The following USP8 variants were observed in gnomAD, a reference collection of about 807,000 sequenced individuals.
USP8 encodes ubiquitin carboxyl-terminal hydrolase 8.
USP8 carries 27 observed loss-of-function variants against 130.0 expected under a neutral mutation model. The ratio of observed to expected loss-of-function variants is 0.21; its 90% CI spans 0.15 to 0.29. The LOEUF is 0.29. Ranked by LOEUF, USP8 falls within the 10% of genes least tolerant of loss-of-function variation. USP8 has a pLI of 1.00. For synonymous variants in USP8, 392 were observed against 444.1 expected (o/e 0.88, Z 1.48); for missense variants, 1,029 against 1,312.2 (o/e 0.78, Z 3.33).
In USP8 at chr15:50,489,770, T is replaced by A. The variant is rs555619385; in HGVS notation, c.1891-31T>A. The A allele has an allele frequency of 1.2e-4, 158 of 1,370,582 alleles. No homozygotes were observed. In the African/African-American group the frequency reaches 2.3e-3, roughly 20 times the overall value. The allele number at this position is 1,370,582 out of a possible 1,614,324, so 84.9% of individuals were successfully genotyped here. A position where few individuals can be genotyped will look rare whatever the true frequency, so the allele number is the denominator to read the frequency against. The stretch of plus-strand genomic sequence containing the variant: ...AAAAATCAGATTTAAAAAAAATTTT[T>A]TTTTAATTTTTTTTATTTTATTTTA... On this transcript the variant is annotated intron_variant, in intron 12 of 19. Coordinates refer to ENST00000307179, the MANE Select transcript of USP8 (RefSeq NM_005154.5).
Position 50,496,046 on chromosome 15 carries a change from T to A in USP8, c.2857T>A (p.Ser953Thr). ...GACATTTGAGGCCTTCATGTATTTG[T>A]CTCTACCACTAGCATCCACAAGTAA... ...SRTFEAFMYLSLPLASTSKCT... is the reference protein window; with the variant it reads ...SRTFEAFMYLTLPLASTSKCT... Residue 953 changes from serine (S) to threonine (T), a missense_variant, in exon 17 of 20, where the codon TCT (serine) becomes ACT (threonine). This residue lies in a region of USP8 where 257 missense variants were observed against 429.8 expected (regional missense o/e 0.60). Coordinates refer to ENST00000307179, the MANE Select transcript of USP8 (RefSeq NM_005154.5). 6.2e-7 allele frequency: 1 copy of A among 1,613,760 alleles called. No individual in the cohort carries two copies. The highest frequency in any genetic ancestry group is 8.5e-7 in the Non-Finnish European group (1 of 1,179,838).
In USP8 at chr15:50,462,135, A is replaced by G. The variant is rs886893920; in HGVS notation, c.499-145A>G. 6.8e-6 allele frequency: 4 copies of G among 590,840 alleles called. No individual in the cohort carries two copies. The African/African-American group carries it at 7.9e-5, about 12-fold the overall frequency. 36.6% of individuals were successfully genotyped at this position (590,840 alleles called of 1,614,324 possible). ...GCCAAAGAAACCTTTTAATATCATTATTATTCGTCTGCGTTTTTATAAAAG... is the reference window on the plus strand; with the variant it reads ...GCCAAAGAAACCTTTTAATATCATTGTTATTCGTCTGCGTTTTTATAAAAG... On this transcript the variant is annotated intron_variant, in intron 5 of 19. Transcript: ENST00000307179.
At chr15:50,492,101 A>AT (rs1350160455) in intron 14 of USP8, among the ~76,000 whole-genome samples, 2 of 152,072 alleles carry the variant, frequency 1.3e-5, no homozygotes, top group African/African-American at 4.8e-5. Flanking sequence ...ACCTCAGGTG[A>AT]TCTGCCCACC....
intron 4 of USP8, among the ~76,000 whole-genome samples, chr15:50,449,890 C>CTTTTT (rs1198558839): frequency 1.8e-4 from 14 of 78,914 alleles, no homozygotes; most frequent in South Asian, 5.0e-4. Context: ...CCCAATATTT[C>CTTTTT]TTTTTTTTTT....
chr15:50,496,480 TA>T (rs35899607), intron 17 of USP8, among the ~76,000 whole-genome samples: 69,998 of 116,344 alleles, frequency 0.6, 20,095 homozygotes, highest in South Asian at 0.68. Flanking sequence ...GACTCCGTCT[TA>T]AAAAAAAAAA....
Position 50,495,017 on chromosome 15 carries a change from T to TAA in USP8, c.2658+756_2658+757dup, listed in dbSNP as rs34381291. On this transcript the variant is annotated intron_variant, in intron 16 of 19. Transcript: ENST00000307179. ...CTGGGCGACAGAGTGAGACTCTTTC[T>TAA]AAAAAAAAAAAAAAAAAAAATTACT... Among the ~76,000 whole-genome samples, 735 of 113,508 alleles carry TAA rather than the reference T, an allele frequency of 6.5e-3. 3 individuals are homozygous for TAA. Among genetic ancestry groups the TAA allele is most frequent in the African/African-American group, 0.022 (654 of 30,266 alleles). 74.5% of individuals were successfully genotyped at this position (113,508 alleles called of 152,430 possible).
intron 7 of USP8, chr15:50,466,966 C>A: frequency 2.1e-6 from 1 of 471,546 alleles, no homozygotes; most frequent in Non-Finnish European, 3.9e-6. Context: ...GGTTCTAAGA[C>A]ATGGGATCAT....
intron 3 of USP8, among the ~76,000 whole-genome samples, chr15:50,449,135 T>C (rs1285077131): frequency 1.3e-5 from 2 of 152,214 alleles, no homozygotes; most frequent in Non-Finnish European, 2.9e-5. Context: ...AACAATGTTA[T>C]TTATACTTTT....
intron 5 of USP8, 51 bp downstream of exon 5, chr15:50,459,213 G>A (rs1177746185): frequency 6.4e-7 from 1 of 1,556,158 alleles, no homozygotes; most frequent in South Asian, 1.2e-5. Flanking sequence ...CTTGTTAGAT[G>A]ATTTGCTTAA....
chr15:50,432,776 G>A (rs1337191790), intron 1 of USP8, among the ~76,000 whole-genome samples: 2 of 152,034 alleles, frequency 1.3e-5, no homozygotes, highest in Non-Finnish European at 2.9e-5. Flanking sequence ...TCTGATGTTT[G>A]CTATTTTTTT....
At chr15:50,496,688 C>T (rs1323174772) in intron 17 of USP8, among the ~76,000 whole-genome samples, 1 of 152,012 alleles carries the variant, frequency 6.6e-6, no homozygotes, top group African/African-American at 2.4e-5. Context: ...TAACTTAGGC[C>T]TACTTTTCAT....
intron 3 of USP8, among the ~76,000 whole-genome samples, chr15:50,446,820 C>T (rs1203407947): frequency 6.6e-6 from 1 of 152,172 alleles, no homozygotes; most frequent in Non-Finnish European, 1.5e-5. Context: ...GGCTGAAGTA[C>T]AGTGGCACTA....
In USP8 at chr15:50,458,987, T is replaced by C; in HGVS notation, c.336-13T>C. The stretch of plus-strand genomic sequence containing the variant: ...GCCAATAAAAGACAATCTTGACTTA[T>C]TTTTTCAACTAGATATGAAGAAGCT... On this transcript the variant is annotated splice_polypyrimidine_tract_variant and intron_variant, in intron 4 of 19. Coordinates refer to ENST00000307179, the MANE Select transcript of USP8 (RefSeq NM_005154.5). 3.7e-6 allele frequency: 6 copies of C among 1,611,628 alleles called. No homozygotes were observed. Among genetic ancestry groups the C allele is most frequent in the Non-Finnish European group, 5.1e-6 (6 of 1,179,692 alleles).
At chr15:50,492,639 A>C in intron 14 of USP8, 62 bp from the exon 15 acceptor site, 1 of 1,557,350 alleles carries the variant, frequency 6.4e-7, no homozygotes, top group Non-Finnish European at 8.7e-7. Flanking sequence ...CATTTATAGT[A>C]TAGAACCTTA....
intron 6 of USP8, among the ~76,000 whole-genome samples, chr15:50,464,367 T>C (rs1308193483): frequency 6.6e-6 from 1 of 152,230 alleles, no homozygotes; most frequent in Non-Finnish European, 1.5e-5. Flanking sequence ...ACCATAGATA[T>C]TTCTTTCTTC....
intron 5 of USP8, among the ~76,000 whole-genome samples, chr15:50,460,061 G>C (rs541848304): frequency 3.6e-4 from 47 of 132,130 alleles, no homozygotes; most frequent in African/African-American, 1.4e-3. Context: ...GCAATGGCGT[G>C]ATCTCGGCTC....
In USP8 at chr15:50,503,000, C is replaced by A. The variant is rs1202191226; in HGVS notation, c.*3912C>A. 4 of 152,230 alleles carry A rather than the reference C, an allele frequency of 2.6e-5. No homozygotes were observed. The highest frequency in any genetic ancestry group is 9.6e-5 in the African/African-American group (4 of 41,464). The allele number at this position is 152,230 out of a possible 1,614,324, so 9.4% of individuals were successfully genotyped here. A position where few individuals can be genotyped will look rare whatever the true frequency, so the allele number is the denominator to read the frequency against. On this transcript the variant is annotated 3_prime_UTR_variant, in exon 20 of 20. Coordinates refer to ENST00000307179, the MANE Select transcript of USP8 (RefSeq NM_005154.5). ...ATTCAATATTCCCTTCAACCTTCGT[C>A]TTCCCCACCTCTCTCCTTACAGGTA...
Position 50,471,646 on chromosome 15 carries a change from T to A in USP8, c.700T>A (p.Trp234Arg), listed in dbSNP as rs1293795192. The stretch of plus-strand genomic sequence containing the variant: ...AATACATTTCAGAGTCACTGCTAGT[T>A]GGATTGAAGCACACCTGCCAGATGA... ...EAISPGVTAS[W>R]IEAHLPDDSK... The change falls in exon 8 of 20, where the codon TGG becomes AGG. Residue 234 changes from tryptophan (W) to arginine (R), a missense_variant. Trp to Arg is a moderately radical substitution (Grantham distance 101). Transcript: ENST00000307179. 6.2e-7 allele frequency: 1 copy of A among 1,612,752 alleles called. No homozygotes were observed. The highest frequency in any genetic ancestry group is 2.2e-5 in the East Asian group (1 of 44,850).
At chr15:50,489,972 T>C (rs2052099579) in intron 13 of USP8, 91 bp downstream of exon 13, 1 of 1,108,018 alleles carries the variant, frequency 9.0e-7, no homozygotes, top group African/African-American at 1.6e-5. Context: ...GCAGAGTCAA[T>C]TCCATTTCTC....
Sources: gnomAD v4.1 joint callset for allele counts (sites outside exome capture counted in the v4.1 genomes callset) on GRCh38, gnomAD v4.1.1 for gene constraint, gnomAD v4.1.1 regional missense constraint, MANE v1.5 for transcripts, NCBI Gene and HGNC (gene_info 2026-07-23, HGNC 2026-07-21) for gene names.